Variants in BICC1 observed in about 807,000 individuals in gnomAD.
BICC1 encodes protein bicaudal C homolog 1.
In BICC1, 43 loss-of-function variants were observed where a neutral mutation model predicts 111.0. The observed-to-expected ratio is 0.39, with a 90% confidence interval of 0.30 to 0.50. The LOEUF (loss-of-function observed/expected upper bound fraction) is 0.50. Ranked by LOEUF, BICC1 falls within the 20% of genes least tolerant of loss-of-function variation. The pLI is 0.88. For synonymous variants in BICC1, 467 were observed against 434.4 expected (o/e 1.07, Z -0.93); for missense variants, 1,091 against 1,203.2 (o/e 0.91, Z 1.38).
rs139084582 is a variant in BICC1, at chr10:58,724,849, CTCA to C, written c.307+22711_307+22713del. ...TCTATTTTCCTTGCACCTCCGATTA[CTCA>C]TCATGGTGGAGTCTGGGTAAGAAGG... On this transcript the variant is annotated intron_variant, in intron 3 of 20. Transcript: ENST00000373886. Among the ~76,000 whole-genome samples, 68 of 152,282 alleles carry C rather than the reference CTCA, an allele frequency of 4.5e-4. 1 individual carries two copies. In the East Asian group the frequency reaches 0.012, roughly 28 times the overall value.
chr10:58,751,145 C>T (rs538074724), intron 3 of BICC1, among the ~76,000 whole-genome samples: 2 of 152,124 alleles, frequency 1.3e-5, no homozygotes, highest in Admixed American at 6.6e-5. Context: ...ATTCTTAATT[C>T]AGAAAAGCCA....
At chr10:58,742,072 T>C (rs2132608186) in intron 3 of BICC1, among the ~76,000 whole-genome samples, 1 of 152,326 alleles carries the variant, frequency 6.6e-6, no homozygotes, top group African/African-American at 2.4e-5. Flanking sequence ...TGTTATAAAA[T>C]TGGCCATTAA....
chr10:58,777,115 CT>C (rs1181204653), intron 3 of BICC1, among the ~76,000 whole-genome samples: 1 of 151,278 alleles, frequency 6.6e-6, no homozygotes, highest in Non-Finnish European at 1.5e-5. Flanking sequence ...ATTATTTCAT[CT>C]GGTATGCCTT....
intron 17 of BICC1, among the ~76,000 whole-genome samples, chr10:58,813,069 A>G (rs1843962090): frequency 6.6e-6 from 1 of 152,142 alleles, no homozygotes; most frequent in African/African-American, 2.4e-5. Context: ...TGCCATTGCA[A>G]GATTGAATTA....
intron 5 of BICC1, among the ~76,000 whole-genome samples, chr10:58,787,807 G>A (rs1843055575): frequency 6.6e-6 from 1 of 152,040 alleles, no homozygotes; most frequent in African/African-American, 2.4e-5. Flanking sequence ...AAACTGGTAC[G>A]GCATGACCAT....
chr10:58,608,232 C>G (rs1845296050), intron 1 of BICC1, among the ~76,000 whole-genome samples: 1 of 152,114 alleles, frequency 6.6e-6, no homozygotes, highest in African/African-American at 2.4e-5. Flanking sequence ...TCCACTGCCC[C>G]AAAACCACCT....
intron 2 of BICC1, among the ~76,000 whole-genome samples, chr10:58,631,412 T>C (rs1469821513): frequency 1.3e-5 from 2 of 152,112 alleles, no homozygotes; most frequent in Non-Finnish European, 2.9e-5. Flanking sequence ...TTTAAATTCA[T>C]TGGATGTAAA....
At chr10:58,573,199 C>T (rs1844013589) in intron 1 of BICC1, among the ~76,000 whole-genome samples, 1 of 152,124 alleles carries the variant, frequency 6.6e-6, no homozygotes, top group Non-Finnish European at 1.5e-5. Flanking sequence ...TGGTTATGCA[C>T]TGCCAACTTT....
intron 1 of BICC1, among the ~76,000 whole-genome samples, chr10:58,555,306 AT>A (rs61692850): frequency 0.016 from 1,669 of 102,336 alleles, 29 homozygotes; most frequent in African/African-American, 0.058. Flanking sequence ...GCTGTTGGAC[AT>A]TTTTTTTTTT....
intron 2 of BICC1, among the ~76,000 whole-genome samples, chr10:58,687,179 A>AGAACAGCAAATATTGCT (rs1305784107): frequency 1.3e-5 from 2 of 152,242 alleles, no homozygotes; most frequent in African/African-American, 2.4e-5. Context: ...GCGGAGCTGC[A>AGAACAGCAAATATTGCT]GAACAGCAAA....
intron 1 of BICC1, among the ~76,000 whole-genome samples, chr10:58,594,790 A>G (rs983127478): frequency 3.3e-5 from 5 of 152,338 alleles, no homozygotes; most frequent in Admixed American, 6.5e-5. Flanking sequence ...TGTAAAGACC[A>G]TCGACAACAT....
chr10:58,786,878 T>C, intron 4 of BICC1, 45 bp from the exon 5 acceptor site: 1 of 1,425,272 alleles, frequency 7.0e-7, no homozygotes, highest in Non-Finnish European at 9.2e-7. Flanking sequence ...GAGGTCATTC[T>C]TTCCTTTTGC....
At chr10:58,796,557 G>A (rs1843360640) in intron 10 of BICC1, 31 bp downstream of exon 10, 1 of 1,572,396 alleles carries the variant, frequency 6.4e-7, no homozygotes, top group African/African-American at 1.4e-5. Flanking sequence ...GCGCGTCTCA[G>A]TCACTGGGGA....
At chr10:58,748,131 C>A (rs1841886799) in intron 3 of BICC1, among the ~76,000 whole-genome samples, 1 of 152,020 alleles carries the variant, frequency 6.6e-6, no homozygotes, top group Admixed American at 6.6e-5. Context: ...AAAAGACATA[C>A]CAAAGTTTAA....
At chr10:58,538,900 A>G (rs1233218528) in intron 1 of BICC1, among the ~76,000 whole-genome samples, 1 of 151,938 alleles carries the variant, frequency 6.6e-6, no homozygotes, top group African/African-American at 2.4e-5. Flanking sequence ...CCCAGCCAGA[A>G]TGACCATTAT....
chr10:58,562,777 T>C (rs1477878060), intron 1 of BICC1, among the ~76,000 whole-genome samples: 1 of 152,132 alleles, frequency 6.6e-6, no homozygotes, highest in Non-Finnish European at 1.5e-5. Flanking sequence ...TTATGTGTCT[T>C]GTAGTGCTGG....
At chr10:58,705,027 G>C (rs368473087) in intron 3 of BICC1, among the ~76,000 whole-genome samples, 2 of 152,152 alleles carry the variant, frequency 1.3e-5, no homozygotes, top group African/African-American at 4.8e-5. Flanking sequence ...GTGAGTGGCC[G>C]TATGGCTCAC....
At chr10:58,778,334 C>A (rs1423938932) in intron 3 of BICC1, among the ~76,000 whole-genome samples, 1 of 152,064 alleles carries the variant, frequency 6.6e-6, no homozygotes, top group East Asian at 1.9e-4. Flanking sequence ...TGACCCACCA[C>A]ACAAAAATAC....
rs1229476650 is a variant in BICC1, at chr10:58,789,803, A to G, written c.917A>G (p.Asn306Ser). Residue 306 changes from asparagine (N) to serine (S), a missense_variant, in exon 8 of 21, where the codon AAC becomes AGC. Around this residue, in one of 3 missense-constraint regions of BICC1, gnomAD observed 843 missense variants for 900.8 expected, o/e 0.94. Transcript: ENST00000373886. ...HLFMMGRNGS[N>S]IKHIMQRTGA... ...TTTATGATGGGTCGAAATGGGAGCAACATCAAACATATCATGCAGAGAACA... is the reference window on the plus strand; with the variant it reads ...TTTATGATGGGTCGAAATGGGAGCAGCATCAAACATATCATGCAGAGAACA... 6.2e-7 allele frequency: 1 copy of G among 1,614,148 alleles called. No individual in the cohort carries two copies. Among genetic ancestry groups the G allele is most frequent in the Admixed American group, 1.7e-5 (1 of 60,024 alleles).
Sources: gnomAD v4.1 joint callset for allele counts (sites outside exome capture counted in the v4.1 genomes callset) on GRCh38, gnomAD v4.1.1 for gene constraint, gnomAD v4.1.1 regional missense constraint, MANE v1.5 for transcripts, NCBI Gene and HGNC (gene_info 2026-07-23, HGNC 2026-07-21) for gene names.